Variants in TNKS observed in about 807,000 individuals in gnomAD.
The protein encoded by TNKS is poly [ADP-ribose] polymerase tankyrase-1.
Under a neutral mutation model 135.8 loss-of-function variants are expected in TNKS, and 72 were observed. The ratio of observed to expected loss-of-function variants is 0.53; its 90% CI spans 0.44 to 0.64. The LOEUF (loss-of-function observed/expected upper bound fraction) is 0.64, where lower values mean the gene tolerates loss of function less well. Among genes scored for constraint, TNKS ranks in the 30% least tolerant of loss-of-function variants. The pLI is 0.00. For missense variants in TNKS, 1,769 were observed against 1,674.0 expected (o/e 1.06, Z -0.99); for synonymous variants, 849 against 649.3 (o/e 1.31, Z -4.68).
intron 14 of TNKS, among the ~76,000 whole-genome samples, 170 bp downstream of exon 14, chr8:9,731,205 A>G (rs1777510200): frequency 6.6e-6 from 1 of 152,232 alleles, no homozygotes; most frequent in South Asian, 2.1e-4. Context: ...CACGCCTGTA[A>G]TCCCAGCACT....
chr8:9,620,488 T>C (rs994385368), intron 3 of TNKS, among the ~76,000 whole-genome samples: 1 of 152,234 alleles, frequency 6.6e-6, no homozygotes, highest in Non-Finnish European at 1.5e-5. Flanking sequence ...AAATCAGCTC[T>C]ATAATCAGAA....
At chr8:9,717,101 A>ATATATATTTTTTTT (rs1454492300) in intron 11 of TNKS, among the ~76,000 whole-genome samples, 1 of 119,336 alleles carries the variant, frequency 8.4e-6, no homozygotes, top group African/African-American at 2.9e-5. Context: ...ATATATATAT[A>ATATATATTTTTTTT]TTTTCAGGGA....
intron 3 of TNKS, among the ~76,000 whole-genome samples, chr8:9,672,639 C>G (rs186622029): frequency 8.0e-6 from 1 of 124,246 alleles, no homozygotes; most frequent in African/African-American, 3.1e-5. Context: ...TTTTATGCAG[C>G]AGACACTGTG....
chr8:9,717,101 A>ATATATATATATTTT (rs1454492300), intron 11 of TNKS, among the ~76,000 whole-genome samples: 2 of 119,320 alleles, frequency 1.7e-5, no homozygotes, highest in East Asian at 2.4e-4. Flanking sequence ...ATATATATAT[A>ATATATATATATTTT]TTTTCAGGGA....
chr8:9,580,690 A>G (rs868011778), intron 2 of TNKS, among the ~76,000 whole-genome samples: 4 of 152,148 alleles, frequency 2.6e-5, no homozygotes, highest in East Asian at 1.9e-4. Context: ...CTATCCTACC[A>G]TCAATGAGAG....
intron 11 of TNKS, among the ~76,000 whole-genome samples, chr8:9,713,244 A>C (rs1804424659): frequency 6.6e-6 from 1 of 152,216 alleles, no homozygotes; most frequent in Non-Finnish European, 1.5e-5. Context: ...AGCAGAAAAC[A>C]CTAAGCTAAG....
At chr8:9,712,834 G>A (rs1804407763) in intron 11 of TNKS, among the ~76,000 whole-genome samples, 1 of 152,172 alleles carries the variant, frequency 6.6e-6, no homozygotes, top group Non-Finnish European at 1.5e-5. Context: ...AGGCTGTAGT[G>A]AGCTGTAATC....
intron 3 of TNKS, among the ~76,000 whole-genome samples, chr8:9,675,630 T>G (rs761517146): frequency 6.6e-6 from 1 of 152,352 alleles, no homozygotes; most frequent in Non-Finnish European, 1.5e-5. Flanking sequence ...GCTTGTTATA[T>G]TGATGTGATT....
chr8:9,587,126 C>T (rs1798410656), intron 2 of TNKS, among the ~76,000 whole-genome samples: 1 of 151,766 alleles, frequency 6.6e-6, no homozygotes, highest in Non-Finnish European at 1.5e-5. Context: ...ATTTTGGTTG[C>T]TAATCAGTTA....
chr8:9,561,218 T>A (rs1432543040), intron 1 of TNKS, among the ~76,000 whole-genome samples: 1 of 152,230 alleles, frequency 6.6e-6, no homozygotes, highest in Non-Finnish European at 1.5e-5. Context: ...AGTTCAGTAT[T>A]TGTGTAAAGA....
rs1023603422 is a variant in TNKS, at chr8:9,720,502, A to C, written c.1878A>C (p.Thr626=). Residue 626 remains threonine, a synonymous_variant, in exon 12 of 27, where the codon ACA becomes ACC. Transcript: ENST00000310430. ...DPSIISLQGF[T]AAQMGNEAVQ... ...CCATCATCTCCTTACAAGGCTTCAC[A>C]GCAGCACAGATGGGCAATGAAGCAG... 3 of 1,614,020 alleles carry C rather than the reference A, an allele frequency of 1.9e-6. No homozygotes were observed. The African/African-American group carries it at 4.0e-5, about 22-fold the overall frequency.
intron 8 of TNKS, among the ~76,000 whole-genome samples, chr8:9,707,403 A>G (rs1804100884): frequency 6.6e-6 from 1 of 151,622 alleles, no homozygotes; most frequent in Admixed American, 6.6e-5. Context: ...CATTATTGAA[A>G]CCTCTTATGG....
At chr8:9,567,119 A>C (rs969827686) in intron 1 of TNKS, among the ~76,000 whole-genome samples, 27 of 152,222 alleles carry the variant, frequency 1.8e-4, no homozygotes, top group African/African-American at 6.3e-4. Context: ...TCTGGTAATA[A>C]ACGTAACTTT....
intron 21 of TNKS, among the ~76,000 whole-genome samples, 155 bp downstream of exon 21, chr8:9,761,791 T>C (rs1357732136): frequency 6.6e-6 from 1 of 152,124 alleles, no homozygotes; most frequent in Non-Finnish European, 1.5e-5. Flanking sequence ...GGCCTCATGC[T>C]CCCTCTAGCT....
At chr8:9,701,980 G>A (rs976264333) in intron 5 of TNKS, among the ~76,000 whole-genome samples, 2 of 152,190 alleles carry the variant, frequency 1.3e-5, no homozygotes, top group African/African-American at 4.8e-5. Flanking sequence ...GTCTGTAATA[G>A]TTTCTGTTGC....
intron 2 of TNKS, among the ~76,000 whole-genome samples, chr8:9,613,681 A>G (rs1799541302): frequency 6.6e-6 from 1 of 152,236 alleles, no homozygotes; most frequent in African/African-American, 2.4e-5. Context: ...CATCTATTTC[A>G]AGTAAATGTT....
At chr8:9,769,245 C>G (rs765612362) in intron 25 of TNKS, among the ~76,000 whole-genome samples, 10 of 152,160 alleles carry the variant, frequency 6.6e-5, no homozygotes, top group African/African-American at 9.7e-5. Context: ...AGATTGCAGG[C>G]TGGATTGAGC....
intron 5 of TNKS, among the ~76,000 whole-genome samples, chr8:9,693,149 C>A (rs921717149): frequency 3.9e-5 from 6 of 152,150 alleles, no homozygotes; most frequent in African/African-American, 1.4e-4. Context: ...AATGATAGAT[C>A]AAATGAAATA....
At chr8:9,748,360 A>G (rs548126297) in intron 18 of TNKS, 148 bp downstream of exon 18, 18 of 636,100 alleles carry the variant, frequency 2.8e-5, no homozygotes, top group Admixed American at 8.3e-5. Context: ...CACTTTTTCT[A>G]TGAAAATATA....
Sources: allele counts gnomAD v4.1 joint callset (sites outside exome capture counted in the v4.1 genomes callset), GRCh38; gene constraint gnomAD v4.1.1; transcripts MANE v1.5; gene names NCBI Gene and HGNC (gene_info 2026-07-23, HGNC 2026-07-21).